HOXB3: variants seen among roughly 807,000 people sequenced by gnomAD.
The protein encoded by HOXB3 is homeobox B3, also known as homeobox protein Hox-B3.
HOXB3 carries 17 observed loss-of-function variants against 29.2 expected under a neutral mutation model. The ratio of observed to expected loss-of-function variants is 0.58; its 90% CI spans 0.40 to 0.87. The LOEUF (loss-of-function observed/expected upper bound fraction) is 0.87. HOXB3 is among the 40% of genes least tolerant of loss of function. The pLI is 0.00. For missense variants in HOXB3, 637 were observed against 616.3 expected (o/e 1.03, Z -0.35); for synonymous variants, 317 against 285.9 (o/e 1.11, Z -1.10).
chr17:48,562,487 G>C (rs1320902721), intron 2 of HOXB3, among the ~76,000 whole-genome samples: 1 of 152,160 alleles, frequency 6.6e-6, no homozygotes, highest in Non-Finnish European at 1.5e-5. Flanking sequence ...CCAAAGCTGT[G>C]CTGGGCTCCA....
In HOXB3 at chr17:48,582,978, G is replaced by A. The variant is rs184639220; in HGVS notation, c.-425+7147C>T. Reference sequence around the variant, plus strand: ...CCCCAGAGAGCAGGCCTGAGCAAGAGGCCCCTTCCCTGAACCTTACCCCTA... The same window carrying A: ...CCCCAGAGAGCAGGCCTGAGCAAGAAGCCCCTTCCCTGAACCTTACCCCTA... On this transcript the variant is annotated intron_variant, in intron 1 of 4. Coordinates refer to ENST00000498678, the MANE Select transcript of HOXB3 (RefSeq NM_001384749.1). 1.6e-3 allele frequency among the ~76,000 whole-genome samples: 242 copies of A among 152,326 alleles called. 1 individual carries two copies. Among genetic ancestry groups the A allele is most frequent in the African/African-American group, 5.6e-3 (233 of 41,560 alleles).
At chr17:48,577,718 G>A in intron 1 of HOXB3, 1 of 700,076 alleles carries the variant, frequency 1.4e-6, no homozygotes, top group Non-Finnish European at 2.0e-6. Context: ...TCTGAAAACA[G>A]GCGACCGTAA....
In HOXB3 at chr17:48,554,539, T is replaced by C. The variant is rs998819448; in HGVS notation, c.-159+992A>G. On this transcript the variant is annotated intron_variant, in intron 3 of 4. Coordinates refer to ENST00000498678, the MANE Select transcript of HOXB3 (RefSeq NM_001384749.1). This position sits in a 1 kb window ranked among gnomAD's most constrained non-coding sequence, Gnocchi z 4.1. ...GTGGTGCAGACAGGGCTGGGAAGGT[T>C]TGTGCACCCGGGTAGTCCCTGGCTG... 2.9e-6 allele frequency: 2 copies of C among 682,746 alleles called. No individual in the cohort carries two copies. The highest frequency in any genetic ancestry group is 5.3e-6 in the Non-Finnish European group (2 of 375,312). 42.3% of individuals were successfully genotyped at this position (682,746 alleles called of 1,614,324 possible). A position where few individuals can be genotyped will look rare whatever the true frequency, so the allele number is the denominator to read the frequency against.
rs554812390 is a variant in HOXB3 at position 48,550,275 on chromosome 17, C to CT, written c.*58_*59insA. On this transcript the variant is annotated 3_prime_UTR_variant, in exon 5 of 5. Transcript: ENST00000498678. ...CTTTTCAGACCTCCAGGTTGCCCCC[C>CT]AGAGCTCCACAGTCTCTCTCTTCCT... 2.4e-5 allele frequency: 38 copies of CT among 1,607,236 alleles called. No homozygotes were observed. The East Asian group carries it at 7.6e-4, about 32-fold the overall frequency.
chr17:48,579,777 G>T (rs1001458729), intron 1 of HOXB3: 1 of 342,778 alleles, frequency 2.9e-6, no homozygotes, highest in Non-Finnish European at 5.8e-6. Context: ...TCACCAGACT[G>T]TCCTCATTCA....
rs768354413 is a variant in HOXB3, at chr17:48,573,842, C to T, written c.-252G>A. ...CCGGGCCCGGGCTTTGTTACCTTTG[C>T]GCCTCTCGCCTCCTCTCGCCCGAAC... On this transcript the variant is annotated 5_prime_UTR_variant, in exon 2 of 5. Coordinates refer to ENST00000498678, the MANE Select transcript of HOXB3 (RefSeq NM_001384749.1). The T allele has an allele frequency of 2.7e-5, 19 of 702,072 alleles. No homozygotes were observed. Among genetic ancestry groups the T allele is most frequent in the Non-Finnish European group, 3.9e-5 (15 of 384,800 alleles). 43.5% of individuals were successfully genotyped at this position (702,072 alleles called of 1,614,324 possible).
intron 2 of HOXB3, among the ~76,000 whole-genome samples, chr17:48,563,439 G>C (rs895836692): frequency 5.3e-5 from 8 of 152,150 alleles, no homozygotes; most frequent in Non-Finnish European, 7.4e-5. Flanking sequence ...AGTACATACA[G>C]CTCCCGATGT....
intron 2 of HOXB3, among the ~76,000 whole-genome samples, chr17:48,566,412 C>A (rs2069388533): frequency 6.6e-6 from 1 of 151,490 alleles, no homozygotes; most frequent in South Asian, 2.1e-4. Flanking sequence ...CACCTCCTCT[C>A]CTCTGGGCCA....
Position 48,551,146 on chromosome 17 carries a change from C to T in HOXB3, c.484G>A (p.Gly162Ser). 1.5e-6 allele frequency: 2 copies of T among 1,308,212 alleles called. No homozygotes were observed. Among genetic ancestry groups the T allele is most frequent in the African/African-American group, 1.5e-5 (1 of 65,188 alleles). 81.0% of individuals were successfully genotyped at this position (1,308,212 alleles called of 1,614,324 possible). A position where few individuals can be genotyped will look rare whatever the true frequency, so the allele number is the denominator to read the frequency against. Reference sequence around the variant, plus strand: ...CCCCCGCTGCCACCACTGCCTCCGCCGCCGCCGCCACCGCCGCCGCCACCA... The same window carrying T: ...CCCCCGCTGCCACCACTGCCTCCGCTGCCGCCGCCACCGCCGCCGCCACCA... ...GCGGGGGGGGGGGSGGSGGGG... is the reference protein window; with the variant it reads ...GCGGGGGGGGSGGSGGSGGGG... Residue 162 changes from glycine (G) to serine (S), a missense_variant, in exon 5 of 5, where the codon GGC (glycine) becomes AGC (serine). Transcript: ENST00000498678.
intron 1 of HOXB3, among the ~76,000 whole-genome samples, chr17:48,584,032 C>T (rs1597859345): frequency 6.6e-6 from 1 of 152,336 alleles, no homozygotes; most frequent in African/African-American, 2.4e-5. Flanking sequence ...AATGACATCT[C>T]ATAATACAAC....
chr17:48,573,814 A>T (rs888663409), intron 2 of HOXB3, 23 bp downstream of exon 2: 3 of 701,402 alleles, frequency 4.3e-6, no homozygotes, highest in Admixed American at 2.0e-5. Context: ...AAAACACGCC[A>T]GCCCGGGCCC....
intron 2 of HOXB3, among the ~76,000 whole-genome samples, chr17:48,568,313 T>C (rs1184052713): frequency 6.6e-6 from 1 of 152,224 alleles, no homozygotes; most frequent in African/African-American, 2.4e-5. Context: ...ACCATGGTCA[T>C]TGACTGGGTT....
At chr17:48,576,624 G>T in intron 1 of HOXB3, 1 of 1,137,326 alleles carries the variant, frequency 8.8e-7, no homozygotes, top group South Asian at 1.6e-5. Context: ...ATTTTTCCGG[G>T]GCCCAGGCCC....
At chr17:48,571,956 A>C (rs1270157816) in intron 2 of HOXB3, among the ~76,000 whole-genome samples, 1 of 152,230 alleles carries the variant, frequency 6.6e-6, no homozygotes, top group Non-Finnish European at 1.5e-5. Context: ...TCTTAACTGA[A>C]GGGTAACATT....
intron 1 of HOXB3, among the ~76,000 whole-genome samples, chr17:48,585,630 C>A (rs886336840): frequency 6.6e-6 from 1 of 152,194 alleles, no homozygotes; most frequent in Non-Finnish European, 1.5e-5. Context: ...GTTTCCCTTC[C>A]GCCCAAATAT....
chr17:48,550,386 G>C lies in HOXB3; in HGVS notation c.1244C>G (p.Ala415Gly). 1 of 1,614,122 alleles carries C rather than the reference G, an allele frequency of 6.2e-7. No individual in the cohort carries two copies. ...TTGGATTCTACCCTGAGGAGGAGGC[G>C]CGTGGTGAGAGGAGAGGTCTGTGTA... ...PTYTDLSSHH[A>G]PPPQGRIQEA... is the part of the protein sequence containing the mutation. Residue 415 changes from alanine to glycine, a missense_variant, in exon 5 of 5, where the codon GCG (alanine) becomes GGG (glycine). By Grantham distance (60) the Ala-to-Gly change is moderately conservative. Coordinates refer to ENST00000498678, the MANE Select transcript of HOXB3 (RefSeq NM_001384749.1).
Position 48,552,206 on chromosome 17 carries a change from G to A in HOXB3, c.269C>T (p.Pro90Leu). 2.5e-6 allele frequency: 4 copies of A among 1,613,324 alleles called. No homozygotes were observed. Among genetic ancestry groups the A allele is most frequent in the Non-Finnish European group, 3.4e-6 (4 of 1,179,780 alleles). ...ACTGGTAGGTGCGGCACTGGGCGGGGGTGAGCCAGGCGGGGCCGACAGGGG... is the reference window on the plus strand; with the variant it reads ...ACTGGTAGGTGCGGCACTGGGCGGGAGTGAGCCAGGCGGGGCCGACAGGGG... ...PEPLSAPPGSPPPSAAPTSAT... is the reference protein window; with the variant it reads ...PEPLSAPPGSLPPSAAPTSAT... Residue 90 changes from proline (P) to leucine (L), a missense_variant, in exon 4 of 5, where the codon CCC (proline) becomes CTC (leucine). Pro to Leu is a moderately conservative substitution (Grantham distance 98, BLOSUM62 -3). Coordinates refer to ENST00000498678, the MANE Select transcript of HOXB3 (RefSeq NM_001384749.1).
At chr17:48,552,720 AG>A in intron 3 of HOXB3, 88 bp from the exon 4 acceptor site, 1 of 428,198 alleles carries the variant, frequency 2.3e-6, no homozygotes, top group Non-Finnish European at 4.1e-6. Flanking sequence ...TGACATCAAT[AG>A]GGTTTTTTCT....
Position 48,550,308 on chromosome 17 carries a change from C to T in HOXB3, c.*26G>A, listed in dbSNP as rs1489278662. 6.2e-7 allele frequency: 1 copy of T among 1,613,164 alleles called. No homozygotes were observed. The highest frequency in any genetic ancestry group is 8.5e-7 in the Non-Finnish European group (1 of 1,179,888). ...CACAGTCTCTCTCTTCCTCCCCATCCCCTAATCCTCGTTCGCCCTTTCCCA... is the reference window on the plus strand; with the variant it reads ...CACAGTCTCTCTCTTCCTCCCCATCTCCTAATCCTCGTTCGCCCTTTCCCA... On this transcript the variant is annotated 3_prime_UTR_variant, in exon 5 of 5. Transcript: ENST00000498678.
Sources: gnomAD v4.1 joint callset for allele counts (sites outside exome capture counted in the v4.1 genomes callset) on GRCh38, gnomAD v4.1.1 for gene constraint, Gnocchi (gnomAD v3.1) non-coding constraint, MANE v1.5 for transcripts, NCBI Gene and HGNC (gene_info 2026-07-23, HGNC 2026-07-21) for gene names.